EML1: variants seen among roughly 807,000 people sequenced by gnomAD.
The protein encoded by EML1 is EMAP like 1.
EML1 carries 27 observed loss-of-function variants against 110.4 expected under a neutral mutation model. The observed-to-expected ratio is 0.24, with a 90% CI of 0.18 to 0.34. EML1 has a LOEUF of 0.34. Ranked by LOEUF, EML1 falls within the 10% of genes least tolerant of loss-of-function variation. EML1 has a pLI of 1.00. For missense variants in EML1, 741 were observed against 1,030.9 expected (o/e 0.72, Z 3.85); for synonymous variants, 344 against 385.8 (o/e 0.89, Z 1.27).
At position 99,865,517 on chromosome 14, in the gene EML1, G is replaced by A; in HGVS notation, c.254G>A (p.Arg85Lys). The change falls in exon 3 of 22, where the codon AGA becomes AAA. Residue 85 changes from arginine to lysine, a missense_variant. This residue lies in a region of EML1 where 226 missense variants were observed against 255.6 expected (regional missense o/e 0.88). Coordinates refer to ENST00000262233, the MANE Select transcript of EML1 (RefSeq NM_004434.3). ...TTATTTTCTGCTTGTCTTACAGCAA[G>A]ACCACTGATGCAGACCCTGCCTTTA... Reference protein sequence around the residue: ...VLNRKGPTKARPLMQTLPLRT... With the variant: ...VLNRKGPTKAKPLMQTLPLRT... 1 of 1,613,886 alleles carries A rather than the reference G, an allele frequency of 6.2e-7. No individual in the cohort carries two copies. Among genetic ancestry groups the A allele is most frequent in the Non-Finnish European group, 8.5e-7 (1 of 1,179,956 alleles).
upstream of EML1, among the ~76,000 whole-genome samples, chr14:99,789,385 T>C (rs1056751488): frequency 6.6e-5 from 10 of 152,064 alleles, no homozygotes; most frequent in Admixed American, 2.6e-4. Flanking sequence ...ATTTTTGTAT[T>C]TTTAGTAGAG....
chr14:99,912,938 C>T (rs2059969414), intron 13 of EML1, among the ~76,000 whole-genome samples: 1 of 152,224 alleles, frequency 6.6e-6, no homozygotes, highest in African/African-American at 2.4e-5. Context: ...TGCTTCTTTC[C>T]TGGAACGGGA....
intron 1 of EML1, among the ~76,000 whole-genome samples, chr14:99,744,524 G>GT (rs1187658465): frequency 6.6e-6 from 1 of 152,118 alleles, no homozygotes; most frequent in East Asian, 1.9e-4. Context: ...CTTTCATTGA[G>GT]TTTTTTTCCC....
chr14:99,812,062 C>T lies in EML1; in HGVS notation c.67+18519C>T, dbSNP rs148053865. Among the ~76,000 whole-genome samples the T allele has an allele frequency of 4.0e-4, 60 of 151,840 alleles. 1 individual carries two copies. The highest frequency in any genetic ancestry group is 4.7e-4 in the Non-Finnish European group (32 of 67,898). ...AAACCCACAGTGTTCAAGAGTCACC[C>T]GTACTTATTTCTCTACTCTCCTGTC... On this transcript the variant is annotated intron_variant, in intron 1 of 21. Coordinates refer to ENST00000262233, the MANE Select transcript of EML1 (RefSeq NM_004434.3).
chr14:99,757,847 C>T (rs1292254100), intron 1 of EML1, among the ~76,000 whole-genome samples: 2 of 152,198 alleles, frequency 1.3e-5, no homozygotes, highest in African/African-American at 2.4e-5. Flanking sequence ...GCTTCTCTGC[C>T]AAACAAATTA....
chr14:99,829,245 T>C (rs896357227), intron 1 of EML1, among the ~76,000 whole-genome samples: 3 of 152,184 alleles, frequency 2.0e-5, no homozygotes, highest in African/African-American at 7.2e-5. Flanking sequence ...CTTTCCTGTG[T>C]CATCCAGGGC....
chr14:99,785,382 C>T (rs1280769176), intron 1 of EML1, among the ~76,000 whole-genome samples: 1 of 152,154 alleles, frequency 6.6e-6, no homozygotes, highest in East Asian at 1.9e-4. Flanking sequence ...GGAGAATAAT[C>T]TTAACACTGG....
chr14:99,764,178 T>A (rs540158983), intron 1 of EML1, among the ~76,000 whole-genome samples: 2 of 152,180 alleles, frequency 1.3e-5, no homozygotes, highest in Non-Finnish European at 2.9e-5. Flanking sequence ...CACTCTTCCA[T>A]GAGGACGTTG....
chr14:99,923,108 A>C (rs2060159281), intron 17 of EML1, among the ~76,000 whole-genome samples: 1 of 151,980 alleles, frequency 6.6e-6, no homozygotes, highest in Admixed American at 6.6e-5. Flanking sequence ...CGTCTGGCTA[A>C]TTTTTGTATT....
chr14:99,809,506 G>A (rs1161043263), intron 1 of EML1: 2 of 383,560 alleles, frequency 5.2e-6, no homozygotes, highest in Admixed American at 3.1e-5. Context: ...TCCAGCACTT[G>A]GACAGGCGCC....
intron 1 of EML1, among the ~76,000 whole-genome samples, chr14:99,822,253 T>C (rs2058276679): frequency 6.6e-6 from 1 of 152,218 alleles, no homozygotes; most frequent in Non-Finnish European, 1.5e-5. Context: ...AATGGTGTTT[T>C]TGAATACCAA....
intron 15 of EML1, among the ~76,000 whole-genome samples, chr14:99,915,659 C>T (rs1275807031): frequency 6.6e-6 from 1 of 151,910 alleles, no homozygotes; most frequent in Non-Finnish European, 1.5e-5. Context: ...AAATAACTTG[C>T]CAAGGTCACT....
intron 16 of EML1, among the ~76,000 whole-genome samples, chr14:99,919,579 T>A (rs2060096220): frequency 6.6e-6 from 1 of 152,074 alleles, no homozygotes; most frequent in African/African-American, 2.4e-5. Flanking sequence ...CTACTGTGTG[T>A]GTAGGACACG....
intron 1 of EML1, among the ~76,000 whole-genome samples, chr14:99,805,136 T>G (rs886602972): frequency 1.3e-5 from 2 of 152,202 alleles, no homozygotes; most frequent in African/African-American, 4.8e-5. Context: ...CGCAGCTCAC[T>G]GGGTGCCCCT....
upstream of EML1, among the ~76,000 whole-genome samples, chr14:99,769,176 T>C (rs1566856756): frequency 6.6e-6 from 1 of 152,190 alleles, no homozygotes; most frequent in Non-Finnish European, 1.5e-5. Context: ...TCCTCCTTTC[T>C]CAGCCAGCCT....
chr14:99,828,982 T>A (rs565462396), intron 1 of EML1, among the ~76,000 whole-genome samples: 2 of 151,952 alleles, frequency 1.3e-5, no homozygotes, highest in African/African-American at 2.4e-5. Flanking sequence ...CAGAAAAAAA[T>A]CCACATAGAA....
intron 1 of EML1, among the ~76,000 whole-genome samples, chr14:99,832,486 T>C (rs903146235): frequency 4.6e-5 from 7 of 152,350 alleles, no homozygotes; most frequent in African/African-American, 1.4e-4. Flanking sequence ...CCCACAGCCA[T>C]GTCAGAGATG....
At chr14:99,783,074 T>C (rs1277839111) in intron 1 of EML1, among the ~76,000 whole-genome samples, 1 of 151,872 alleles carries the variant, frequency 6.6e-6, no homozygotes, top group African/African-American at 2.4e-5. Flanking sequence ...ACATGTGCCA[T>C]GTTGGTGTGC....
intron 1 of EML1, among the ~76,000 whole-genome samples, chr14:99,806,469 A>G (rs1400289031): frequency 6.6e-6 from 1 of 151,968 alleles, no homozygotes; most frequent in African/African-American, 2.4e-5. Context: ...GGCATGCTCC[A>G]CCACACCCAG....
Sources: allele counts gnomAD v4.1 joint callset (sites outside exome capture counted in the v4.1 genomes callset), GRCh38; gene constraint gnomAD v4.1.1; regional missense constraint gnomAD v4.1.1; transcripts MANE v1.5; gene names NCBI Gene and HGNC (gene_info 2026-07-23, HGNC 2026-07-21).